The following RGS3 variants were observed in gnomAD, a reference collection of about 807,000 sequenced individuals.
RGS3 encodes regulator of G-protein signalling 3.
A neutral mutation model predicts 132.6 loss-of-function variants in RGS3; 80 were observed. The observed-to-expected ratio is 0.60, with a 90% CI of 0.50 to 0.73. The LOEUF is 0.73. RGS3 is among the 30% of genes least tolerant of loss of function. RGS3 has a pLI of 0.00. For synonymous variants in RGS3, 598 were observed against 620.6 expected (o/e 0.96, Z 0.54); for missense variants, 1,382 against 1,530.8 (o/e 0.90, Z 1.62).
chr9:113,508,503 C>T lies in RGS3; in HGVS notation c.1438-38C>T, dbSNP rs752125207. On this transcript the variant is annotated intron_variant, in intron 13 of 24. Coordinates refer to ENST00000350696, the Ensembl canonical transcript of RGS3. ...GCCTCCTGGGCTGTCCTGCCCTGTT[C>T]CTGGGGCTGAGGTGGTTTTCCTGTC... The T allele has an allele frequency of 2.5e-6, 4 of 1,611,624 alleles. No individual in the cohort carries two copies. In the East Asian group the frequency reaches 6.7e-5, roughly 27 times the overall value.
chr9:113,521,014 T>C (rs771790780), intron 16 of RGS3, among the ~76,000 whole-genome samples: 39 of 152,282 alleles, frequency 2.6e-4, no homozygotes, highest in Non-Finnish European at 4.6e-4. Flanking sequence ...TTAACCTGTC[T>C]GAGCTCTAGG....
rs890330276 is a variant in RGS3 at position 113,579,794 on chromosome 9, G to C, written c.2038-3656G>C. 9.9e-5 allele frequency among the ~76,000 whole-genome samples: 15 copies of C among 152,146 alleles called. No individual in the cohort carries two copies. The highest frequency in any genetic ancestry group is 2.4e-4 in the African/African-American group (10 of 41,424). On this transcript the variant is annotated intron_variant, in intron 19 of 24. Coordinates refer to ENST00000350696, the Ensembl canonical transcript of RGS3. This position sits in a 1 kb window ranked among gnomAD's most constrained non-coding sequence, Gnocchi z 4.3. ...CCTCCTAGTACCTACCTCAGTGCTT[G>C]GAGAATGCATGAATGTATGCGTGCC...
intron 19 of RGS3, among the ~76,000 whole-genome samples, chr9:113,549,171 A>G (rs1833231282): frequency 6.6e-6 from 1 of 152,214 alleles, no homozygotes; most frequent in Non-Finnish European, 1.5e-5. Context: ...GTTTAGAGAC[A>G]GACAGGCCAG....
chr9:113,541,765 G>A (rs1734345839), intron 19 of RGS3: 3 of 1,017,718 alleles, frequency 2.9e-6, no homozygotes, highest in African/African-American at 1.7e-5. Flanking sequence ...AGCAGGAGAG[G>A]TTGGGAGAGG....
At chr9:113,593,722 C>T in intron 21 of RGS3, 1 of 605,594 alleles carries the variant, frequency 1.7e-6, no homozygotes, top group Non-Finnish European at 3.0e-6. Context: ...AGGCATTTAA[C>T]TCCTTTCTTG....
intron 18 of RGS3, 44 bp from the exon 17 acceptor site, chr9:113,536,752 G>A (rs1832693370): frequency 6.3e-7 from 1 of 1,596,056 alleles, no homozygotes; most frequent in Admixed American, 1.7e-5. Flanking sequence ...CCTGAACCAG[G>A]GAGCAGCCCT....
At chr9:113,555,520 T>G (rs1415421028) in intron 19 of RGS3, among the ~76,000 whole-genome samples, 1 of 151,436 alleles carries the variant, frequency 6.6e-6, no homozygotes, top group Non-Finnish European at 1.5e-5. Context: ...CAGGCTGGAG[T>G]GTAGTGGTGC....
At position 113,579,660 on chromosome 9, in the gene RGS3, G is replaced by A. The variant is rs1236375873; in HGVS notation, c.2038-3790G>A. On this transcript the variant is annotated intron_variant, in intron 19 of 24. Coordinates refer to ENST00000350696, the Ensembl canonical transcript of RGS3. The surrounding 1 kb of genome is among the most constrained non-coding windows in gnomAD (Gnocchi z 4.3). ...TGTCTCACTGGGTCCCCAGCTGCCT[G>A]TACTTCCTCTATCAGAGCAGTCCCC... is the stretch of plus-strand genomic sequence containing the variant. Among the ~76,000 whole-genome samples the A allele has an allele frequency of 6.6e-6, 1 of 152,212 alleles. No individual in the cohort carries two copies. The highest frequency in any genetic ancestry group is 1.9e-4 in the East Asian group (1 of 5,204).
At chr9:113,448,984 G>A (rs116531319) in intron 1 of RGS3, among the ~76,000 whole-genome samples, 2 of 152,198 alleles carry the variant, frequency 1.3e-5, no homozygotes, top group Non-Finnish European at 2.9e-5. Context: ...AAGGAGCATA[G>A]TGTTCCTATC....
Position 113,517,642 on chromosome 9 carries a change from AT to A in RGS3, c.1758+24del. On this transcript the variant is annotated intron_variant, in intron 16 of 24. Coordinates refer to ENST00000350696, the Ensembl canonical transcript of RGS3. ...CTGCCGAGGTAAGACTTTCACCTGC[AT>A]TTTTTAGGGGGCTTTCTGGGTGGGC... 6.2e-7 allele frequency: 1 copy of A among 1,604,462 alleles called. No individual in the cohort carries two copies. The highest frequency in any genetic ancestry group is 2.2e-5 in the East Asian group (1 of 44,818).
At chr9:113,454,683 C>CTTTTTTTT in intron 1 of RGS3, among the ~76,000 whole-genome samples, 1 of 121,282 alleles carries the variant, frequency 8.2e-6, no homozygotes, top group Non-Finnish European at 1.7e-5. Flanking sequence ...TGCTTTTAAA[C>CTTTTTTTT]TTTTTTTTTT....
intron 3 of RGS3, among the ~76,000 whole-genome samples, chr9:113,477,940 C>G (rs963200952): frequency 6.6e-6 from 1 of 152,180 alleles, no homozygotes; most frequent in Non-Finnish European, 1.5e-5. Flanking sequence ...AGTTCAGCAG[C>G]TTTTTGAGGT....
Position 113,451,682 on chromosome 9 carries a change from G to GT in RGS3, c.-13+6767dup, listed in dbSNP as rs1211026839. Among the ~76,000 whole-genome samples, 883 of 142,488 alleles carry GT rather than the reference G, an allele frequency of 6.2e-3. 7 individuals carry two copies. The highest frequency in any genetic ancestry group is 0.019 in the African/African-American group (724 of 39,122). The allele number at this position is 142,488 out of a possible 152,430, so 93.5% of individuals were successfully genotyped here. On this transcript the variant is annotated intron_variant, in intron 1 of 25. Transcript: ENST00000374140. Reference sequence around the variant, plus strand: ...TTACAGGATGCAGGGAGCTCTGGGTGTTTTTTTTTTTTAAGTCAATGGTTC... The same window carrying GT: ...TTACAGGATGCAGGGAGCTCTGGGTGTTTTTTTTTTTTTAAGTCAATGGTTC...
intron 19 of RGS3, among the ~76,000 whole-genome samples, chr9:113,563,749 T>C (rs937074109): frequency 1.1e-4 from 16 of 152,336 alleles, no homozygotes; most frequent in Admixed American, 1.0e-3. Context: ...GTCGACCCGA[T>C]AAAGAATGTT....
intron 8 of RGS3, among the ~76,000 whole-genome samples, chr9:113,496,549 C>A (rs1051751635): frequency 6.6e-6 from 1 of 151,694 alleles, no homozygotes; most frequent in Non-Finnish European, 1.5e-5. Flanking sequence ...CTCTCTCTCT[C>A]TCTCTTTTTT....
intron 3 of RGS3, among the ~76,000 whole-genome samples, chr9:113,462,904 C>G (rs941740634): frequency 5.3e-5 from 8 of 152,194 alleles, no homozygotes; most frequent in Admixed American, 3.3e-4. Context: ...GCTTTCCTTC[C>G]CACAGTGGCA....
chr9:113,481,026 C>T (rs896544804), intron 4 of RGS3, among the ~76,000 whole-genome samples: 11 of 152,250 alleles, frequency 7.2e-5, no homozygotes, highest in African/African-American at 2.7e-4. Context: ...GCCTTTGCAC[C>T]TGCTGTTCAC....
At chr9:113,541,265 G>T in intron 19 of RGS3, 1 of 1,578,814 alleles carries the variant, frequency 6.3e-7, no homozygotes, top group South Asian at 1.2e-5. Context: ...CCTGCAGTCA[G>T]GCAGCCCGGC....
intron 18 of RGS3, among the ~76,000 whole-genome samples, chr9:113,533,262 A>C (rs1277726961): frequency 3.5e-5 from 5 of 144,440 alleles, no homozygotes; most frequent in Non-Finnish European, 6.0e-5. Flanking sequence ...ACAGAGTCTC[A>C]CTCTGTTACG....
Sources: gnomAD v4.1 joint callset for allele counts (sites outside exome capture counted in the v4.1 genomes callset) on GRCh38, gnomAD v4.1.1 for gene constraint, Gnocchi (gnomAD v3.1) non-coding constraint, MANE v1.5 for transcripts, NCBI Gene and HGNC (gene_info 2026-07-23, HGNC 2026-07-21) for gene names.